The following PARD3B variants were observed in gnomAD, a reference collection of about 807,000 sequenced individuals.
PARD3B encodes partitioning defective 3 homolog B.
A neutral mutation model predicts 130.2 loss-of-function variants in PARD3B; 103 were observed. The observed-to-expected ratio is 0.79, with a 90% CI of 0.67 to 0.93. The LOEUF (loss-of-function observed/expected upper bound fraction) is 0.93, where lower values mean the gene tolerates loss of function less well. PARD3B is among the 40% of genes least tolerant of loss of function. PARD3B has a pLI of 0.00. For missense variants in PARD3B, 1,609 were observed against 1,499.2 expected, an observed-to-expected ratio of 1.07 and a Z score of -1.21; for synonymous variants, 583 against 553.2, an observed-to-expected ratio of 1.05 and a Z score of -0.76.
chr2:205,217,917 A>ATT (rs2038036519), intron 15 of PARD3B, among the ~76,000 whole-genome samples: 1 of 87,338 alleles, frequency 1.1e-5, no homozygotes, highest in African/African-American at 4.7e-5. Context: ...TTTTTTTGAG[A>ATT]TGGTCTCTCG....
chr2:205,437,181 T>C (rs1312925924), intron 19 of PARD3B, among the ~76,000 whole-genome samples: 1 of 152,064 alleles, frequency 6.6e-6, no homozygotes, highest in African/African-American at 2.4e-5. Context: ...TAGCAAGGCA[T>C]GAGATTATGG....
intron 16 of PARD3B, among the ~76,000 whole-genome samples, chr2:205,282,208 C>A (rs964003718): frequency 6.6e-6 from 1 of 152,078 alleles, no homozygotes; most frequent in East Asian, 1.9e-4. Context: ...GATGTTCCCC[C>A]CTTTCTTCAC....
At chr2:204,570,818 TAACTGAGGTGTATAAGCTGTTGC>T (rs1384395996) in intron 1 of PARD3B, among the ~76,000 whole-genome samples, 1 of 149,840 alleles carries the variant, frequency 6.7e-6, no homozygotes, top group African/African-American at 2.5e-5. Flanking sequence ...TAAGCTGTTG[TAACTGAGGTGTATAAGCTGTTGC>T]AACTGAGGTG....
At chr2:204,747,126 CTTTAA>C (rs1229387853) in intron 2 of PARD3B, among the ~76,000 whole-genome samples, 1 of 152,054 alleles carries the variant, frequency 6.6e-6, no homozygotes, top group African/African-American at 2.4e-5. Flanking sequence ...ACGTTTAAGT[CTTTAA>C]TCCATCTTTA....
chr2:205,316,468 A>G (rs553721332), intron 18 of PARD3B, among the ~76,000 whole-genome samples: 1 of 152,318 alleles, frequency 6.6e-6, no homozygotes, highest in East Asian at 1.9e-4. Flanking sequence ...TCCATCTAAA[A>G]TGATATGAAA....
chr2:204,641,456 TA>T (rs111479656), intron 1 of PARD3B, among the ~76,000 whole-genome samples: 18,416 of 151,970 alleles, frequency 0.12, 2,640 homozygotes, highest in African/African-American at 0.34. Flanking sequence ...CTTTTTTTTT[TA>T]ATCCTGCTTT....
chr2:204,704,006 T>A (rs2038017745), intron 2 of PARD3B, among the ~76,000 whole-genome samples: 1 of 152,092 alleles, frequency 6.6e-6, no homozygotes, highest in Non-Finnish European at 1.5e-5. Flanking sequence ...TTTGTCAAAT[T>A]TTTCCAGATA....
intron 1 of PARD3B, among the ~76,000 whole-genome samples, chr2:204,645,110 A>G (rs2035227980): frequency 6.6e-6 from 1 of 152,140 alleles, no homozygotes; most frequent in African/African-American, 2.4e-5. Context: ...GTAAATGGAG[A>G]AAAGTCATTC....
At chr2:205,494,996 G>A (rs2049872434) in intron 20 of PARD3B, among the ~76,000 whole-genome samples, 1 of 152,188 alleles carries the variant, frequency 6.6e-6, no homozygotes, top group Non-Finnish European at 1.5e-5. Context: ...TCAGCCTGCA[G>A]CAGTCATAGG....
At chr2:205,374,826 TAA>T (rs2044976213) in intron 18 of PARD3B, among the ~76,000 whole-genome samples, 1 of 151,912 alleles carries the variant, frequency 6.6e-6, no homozygotes, top group Non-Finnish European at 1.5e-5. Context: ...CCAAGAAAAT[TAA>T]GAGAGAAAAA....
At chr2:205,432,590 TTTC>T (rs1170671002) in intron 19 of PARD3B, among the ~76,000 whole-genome samples, 5 of 152,320 alleles carry the variant, frequency 3.3e-5, no homozygotes, top group African/African-American at 4.8e-5. Flanking sequence ...GTTTAATTAT[TTTC>T]TTCTTCTTCA....
intron 2 of PARD3B, among the ~76,000 whole-genome samples, chr2:204,959,600 G>A (rs1019129040): frequency 3.3e-5 from 5 of 152,192 alleles, no homozygotes; most frequent in Non-Finnish European, 5.9e-5. Flanking sequence ...CACCAACAGT[G>A]TAAAAGTGTT....
chr2:204,708,545 T>C (rs950774028), intron 2 of PARD3B, among the ~76,000 whole-genome samples: 2 of 152,186 alleles, frequency 1.3e-5, no homozygotes, highest in Admixed American at 1.3e-4. Flanking sequence ...AGTGAAATAA[T>C]GTAATTATAT....
At chr2:205,537,275 T>C (rs1450063960) in intron 21 of PARD3B, among the ~76,000 whole-genome samples, 1 of 152,226 alleles carries the variant, frequency 6.6e-6, no homozygotes, top group Admixed American at 6.5e-5. Context: ...AACATTCTTC[T>C]CCTTAAAGAT....
chr2:204,960,212 T>C (rs1262537987), intron 2 of PARD3B, among the ~76,000 whole-genome samples: 5 of 152,168 alleles, frequency 3.3e-5, no homozygotes, highest in African/African-American at 1.2e-4. Context: ...TAAAAAGCTT[T>C]ACAATAGATA....
chr2:205,529,366 A>T (rs1368838666), intron 21 of PARD3B, among the ~76,000 whole-genome samples: 2 of 152,244 alleles, frequency 1.3e-5, no homozygotes, highest in Non-Finnish European at 2.9e-5. Flanking sequence ...CGGGTGTGAC[A>T]ACCAAGTCAT....
At chr2:205,124,793 G>T (rs1487374641) in intron 9 of PARD3B, among the ~76,000 whole-genome samples, 1 of 152,118 alleles carries the variant, frequency 6.6e-6, no homozygotes, top group East Asian at 1.9e-4. Context: ...TTCAGTTAGG[G>T]CTAAAAAGTT....
chr2:205,303,532 G>A (rs539144588), intron 18 of PARD3B, among the ~76,000 whole-genome samples: 1 of 152,268 alleles, frequency 6.6e-6, no homozygotes, highest in Non-Finnish European at 1.5e-5. Flanking sequence ...TGGCTTATTA[G>A]AGTTCCTGAT....
chr2:204,677,482 A>G lies in PARD3B; in HGVS notation c.121-8699A>G, dbSNP rs1280183842. On this transcript the variant is annotated intron_variant, in intron 1 of 22. Transcript: ENST00000406610. This position sits in a 1 kb window ranked among gnomAD's most constrained non-coding sequence, Gnocchi z 4.1. ...TGTTCTCCAATTTAGACAAGCCTCA[A>G]TTAATTCAGCTCACTCATCATAAGA... 3.9e-5 allele frequency among the ~76,000 whole-genome samples: 6 copies of G among 152,218 alleles called. No homozygotes were observed. The highest frequency in any genetic ancestry group is 2.1e-4 in the South Asian group (1 of 4,828).
Sources: allele counts gnomAD v4.1 joint callset (sites outside exome capture counted in the v4.1 genomes callset), GRCh38; gene constraint gnomAD v4.1.1; non-coding constraint Gnocchi (gnomAD v3.1); transcripts MANE v1.5; gene names NCBI Gene and HGNC (gene_info 2026-07-23, HGNC 2026-07-21).